The following SHOX variants were observed in gnomAD, a reference collection of about 807,000 sequenced individuals.
The protein encoded by SHOX is SHOX homeobox, also known as short stature homeobox protein.
A neutral mutation model predicts 29.6 loss-of-function variants in SHOX; 12 were observed. That is an observed-to-expected ratio of 0.41 (90% CI 0.26 to 0.66). The LOEUF (loss-of-function observed/expected upper bound fraction) is 0.66, where lower values mean the gene tolerates loss of function less well. Ranked by LOEUF, SHOX falls within the 30% of genes least tolerant of loss-of-function variation. The probability of loss-of-function intolerance (pLI) is 0.35; values close to 1 mark genes in which losing one functional copy is unlikely to be tolerated. For missense variants in SHOX, 499 were observed against 437.7 expected (o/e 1.14, Z -1.25); for synonymous variants, 214 against 200.6 (o/e 1.07, Z -0.57).
chrX:631,742 G>A (rs773354088), intron 1 of SHOX, among the ~76,000 whole-genome samples: 1 of 152,220 alleles, frequency 6.6e-6, no homozygotes, highest in Non-Finnish European at 1.5e-5. Context: ...ATGTTGGCCA[G>A]GCTGGTCTCG....
intron 2 of SHOX, among the ~76,000 whole-genome samples, chrX:637,052 C>A (rs28396426): frequency 0.24 from 36,584 of 150,522 alleles, 5,525 homozygotes; most frequent in East Asian, 0.54. Context: ...TTAAATCAAC[C>A]CTCCCCAGGC....
At chrX:630,706 G>C (rs1603283819), upstream of SHOX, 1 of 682,518 alleles carries the variant, frequency 1.5e-6, no homozygotes, top group Non-Finnish European at 2.5e-6. Context: ...GGAGCCCGGA[G>C]ACCAGTAATT....
In SHOX at chrX:644,715, C is replaced by G; in HGVS notation, c.*79C>G. 7.5e-7 allele frequency: 1 copy of G among 1,342,244 alleles called. No homozygotes were observed. Among genetic ancestry groups the G allele is most frequent in the Non-Finnish European group, 9.5e-7 (1 of 1,053,626 alleles). 83.1% of individuals were successfully genotyped at this position (1,342,244 alleles called of 1,614,324 possible). A position where few individuals can be genotyped will look rare whatever the true frequency, so the allele number is the denominator to read the frequency against. ...TGCACCGCGCGTCCTGCACTCAACC[C>G]CGCCTGGAGCTCCTTCCGCGGCCAC... On this transcript the variant is annotated 3_prime_UTR_variant, in exon 5 of 5. Transcript: ENST00000686671.
chrX:655,534 C>T (rs1446700404), downstream of SHOX, among the ~76,000 whole-genome samples: 7 of 146,148 alleles, frequency 4.8e-5, no homozygotes, highest in Non-Finnish European at 9.0e-5. Flanking sequence ...CCCAGGAGTT[C>T]GAGACCAACC....
At chrX:655,593 T>G (rs2053128875), downstream of SHOX, among the ~76,000 whole-genome samples, 1 of 54,988 alleles carries the variant, frequency 1.8e-5, no homozygotes, top group African/African-American at 7.4e-5. Context: ...TCTCTCTCTC[T>G]CTCTCTCTCT....
chrX:657,368 G>T (rs2053162334), intron 5 of SHOX, among the ~76,000 whole-genome samples: 1 of 152,192 alleles, frequency 6.6e-6, no homozygotes, highest in Non-Finnish European at 1.5e-5. Flanking sequence ...CTGTCTGGAA[G>T]CTCCTGTATC....
downstream of SHOX, among the ~76,000 whole-genome samples, chrX:654,978 G>A (rs35889321): frequency 7.2e-5 from 11 of 151,904 alleles, no homozygotes; most frequent in African/African-American, 1.4e-4. Context: ...GTGAGCCACC[G>A]CGCCTGGCCC....
chrX:641,757 C>G (rs1181900964), intron 4 of SHOX, among the ~76,000 whole-genome samples: 1 of 151,438 alleles, frequency 6.6e-6, no homozygotes, highest in Non-Finnish European at 1.5e-5. Flanking sequence ...CAAGCCCAAA[C>G]AGAAATCTGA....
In SHOX at chrX:650,808, A is replaced by AAAAAAC. The variant is rs1556473191; in HGVS notation, c.*6177_*6178insCAAAAA. Among the ~76,000 whole-genome samples the AAAAAAC allele has an allele frequency of 1.6e-3, 236 of 147,148 alleles. 1 individual carries two copies. Among genetic ancestry groups the AAAAAAC allele is most frequent in the African/African-American group, 5.8e-3 (229 of 39,642 alleles). On this transcript the variant is annotated 3_prime_UTR_variant, in exon 5 of 5. Coordinates refer to ENST00000686671, the MANE Select transcript of SHOX (RefSeq NM_000451.4). ...GTTTGACATTAAAAAAAAAAAAAAA[A>AAAAAAC]AAAAAAAAAAACTGGTGCCTAATTT...
intron 2 of SHOX, 97 bp downstream of exon 2, chrX:634,923 C>A: frequency 1.5e-6 from 2 of 1,321,368 alleles, no homozygotes; most frequent in South Asian, 1.4e-5. Context: ...GGGCCGCCGC[C>A]GTCCCCTTCC....
At position 624,822 on chromosome X, in the gene SHOX, C is replaced by T. The variant is rs369768684; in HGVS notation, c.-433+220C>T. ...AAAGCTTTGCCTTCTTTCCTTCCTT[C>T]GTTCTTTCCTTCCTTCCTTCCTCTC... On this transcript the variant is annotated intron_variant, in intron 1 of 5. Transcript: ENST00000334060. 4.3e-4 allele frequency among the ~76,000 whole-genome samples: 63 copies of T among 146,524 alleles called. 1 individual carries two copies. The South Asian group carries it at 5.3e-3, about 12-fold the overall frequency.
intron 1 of SHOX, among the ~76,000 whole-genome samples, chrX:633,914 C>G (rs1351914341): frequency 2.6e-5 from 4 of 152,246 alleles, no homozygotes; most frequent in South Asian, 4.1e-4. Flanking sequence ...TTCTGACTCC[C>G]CCAGCAAATA....
chrX:648,876 T>TTC lies in SHOX; in HGVS notation c.*4247_*4248dup. 8.0e-6 allele frequency among the ~76,000 whole-genome samples: 1 copy of TTC among 125,038 alleles called. No homozygotes were observed. Among genetic ancestry groups the TTC allele is most frequent in the African/African-American group, 2.9e-5 (1 of 34,602 alleles). The allele number at this position is 125,038 out of a possible 152,430, so 82.0% of individuals were successfully genotyped here. On this transcript the variant is annotated 3_prime_UTR_variant, in exon 5 of 5. Coordinates refer to ENST00000686671, the MANE Select transcript of SHOX (RefSeq NM_000451.4). Reference sequence around the variant, plus strand: ...ACCAGTTCTCACCACCAACGCCCTCTTCTCTCTCCCTTCTCCTTCCTTCCT... The same window carrying TTC: ...ACCAGTTCTCACCACCAACGCCCTCTTCTCTCTCTCCCTTCTCCTTCCTTCCT...
chrX:629,837 C>G (rs1193954413), upstream of SHOX, among the ~76,000 whole-genome samples: 2 of 152,142 alleles, frequency 1.3e-5, no homozygotes, highest in Non-Finnish European at 2.9e-5. Context: ...TTTCAGGTCG[C>G]GATGGCGAGC....
upstream of SHOX, among the ~76,000 whole-genome samples, chrX:626,638 CTT>C (rs2052542458): frequency 7.0e-6 from 1 of 142,662 alleles, no homozygotes; most frequent in Middle Eastern, 4.0e-3. Context: ...CTCTGTCTCT[CTT>C]TCTCTCCTCT....
chrX:647,233 G>T lies in SHOX; in HGVS notation c.*2597G>T, dbSNP rs1172097261. On this transcript the variant is annotated 3_prime_UTR_variant, in exon 5 of 5. Coordinates refer to ENST00000686671, the MANE Select transcript of SHOX (RefSeq NM_000451.4). ...CTGGGATTACAGGCACCTGCCACCA[G>T]GCCTGGGTAACTTTCTGGTATTTTT... is the stretch of plus-strand genomic sequence containing the variant. Among the ~76,000 whole-genome samples, 3 of 151,178 alleles carry T rather than the reference G, an allele frequency of 2.0e-5. No individual in the cohort carries two copies. The highest frequency in any genetic ancestry group is 3.9e-4 in the East Asian group (2 of 5,142).
chrX:642,619 C>T (rs1184460070), intron 4 of SHOX, among the ~76,000 whole-genome samples: 1 of 152,268 alleles, frequency 6.6e-6, no homozygotes, highest in East Asian at 1.9e-4. Context: ...CTTCTTGTAC[C>T]GTCTTTTGCC....
chrX:642,228 C>T (rs1403270477), intron 4 of SHOX, among the ~76,000 whole-genome samples: 1 of 151,716 alleles, frequency 6.6e-6, no homozygotes, highest in African/African-American at 2.4e-5. Context: ...GCGCAGCGCC[C>T]GGCTGCGGTG....
At chrX:628,997 G>C (rs369637392), upstream of SHOX, among the ~76,000 whole-genome samples, 17 of 75,276 alleles carry the variant, frequency 2.3e-4, no homozygotes, top group African/African-American at 9.3e-4. Context: ...CTCTCCCTGT[G>C]TGTTTCTCTC....
Sources: allele counts gnomAD v4.1 joint callset (sites outside exome capture counted in the v4.1 genomes callset), GRCh38; gene constraint gnomAD v4.1.1; transcripts MANE v1.5; gene names NCBI Gene and HGNC (gene_info 2026-07-23, HGNC 2026-07-21).